Variants in CNTNAP2 observed in about 807,000 individuals in gnomAD.
The protein encoded by CNTNAP2 is contactin associated protein 2, also known as contactin-associated protein-like 2.
In CNTNAP2, 98 loss-of-function variants were observed where a neutral mutation model predicts 155.2. That is an observed-to-expected ratio of 0.63 (90% CI 0.54 to 0.75). The LOEUF is 0.75. Ranked by LOEUF, CNTNAP2 falls within the 30% of genes least tolerant of loss-of-function variation. CNTNAP2 has a pLI of 0.00. For missense variants in CNTNAP2, 1,727 were observed against 1,688.1 expected (o/e 1.02, Z -0.40); for synonymous variants, 651 against 631.2 (o/e 1.03, Z -0.47).
chr7:146,648,672 G>A (rs554567901), intron 1 of CNTNAP2, among the ~76,000 whole-genome samples: 424 of 152,094 alleles, frequency 2.8e-3, no homozygotes, highest in African/African-American at 9.7e-3. Flanking sequence ...TCCCCAATGT[G>A]TAATGCATAT....
chr7:146,992,376 G>C (rs1020377995), intron 3 of CNTNAP2, among the ~76,000 whole-genome samples: 2 of 151,542 alleles, frequency 1.3e-5, no homozygotes, highest in African/African-American at 4.9e-5. Flanking sequence ...CCTTAGTTCA[G>C]CTGGAAACAG....
chr7:147,091,182 C>A (rs1800395482), intron 4 of CNTNAP2, among the ~76,000 whole-genome samples: 1 of 152,008 alleles, frequency 6.6e-6, no homozygotes, highest in African/African-American at 2.4e-5. Flanking sequence ...TTAAACAGAC[C>A]CAGAAAGTGA....
At chr7:147,227,688 T>C (rs1461286438) in intron 8 of CNTNAP2, among the ~76,000 whole-genome samples, 1 of 152,166 alleles carries the variant, frequency 6.6e-6, no homozygotes, top group African/African-American at 2.4e-5. Context: ...AAAGGTTACA[T>C]ACAGCCTGCT....
At chr7:147,726,446 A>G (rs1220589193) in intron 13 of CNTNAP2, among the ~76,000 whole-genome samples, 3 of 151,998 alleles carry the variant, frequency 2.0e-5, no homozygotes, top group Admixed American at 6.6e-5. Flanking sequence ...GTACACCGCA[A>G]AGAGGGTGGA....
intron 16 of CNTNAP2, among the ~76,000 whole-genome samples, chr7:148,122,129 A>G (rs2116614600): frequency 6.6e-6 from 1 of 152,352 alleles, no homozygotes; most frequent in South Asian, 2.1e-4. Context: ...GCATACTAGC[A>G]TTCACATCTC....
At chr7:148,338,434 C>T (rs1391171675) in intron 21 of CNTNAP2, among the ~76,000 whole-genome samples, 2 of 152,142 alleles carry the variant, frequency 1.3e-5, no homozygotes, top group Non-Finnish European at 2.9e-5. Flanking sequence ...AGTCAAGTTA[C>T]AGCTTCCTAA....
intron 8 of CNTNAP2, among the ~76,000 whole-genome samples, chr7:147,169,808 T>C (rs1802190607): frequency 6.6e-6 from 1 of 152,168 alleles, no homozygotes; most frequent in East Asian, 1.9e-4. Flanking sequence ...TTTCTTAAAA[T>C]TTCTATTTTG....
chr7:146,627,827 AG>A (rs1799445133), intron 1 of CNTNAP2, among the ~76,000 whole-genome samples: 1 of 152,146 alleles, frequency 6.6e-6, no homozygotes, highest in African/African-American at 2.4e-5. Flanking sequence ...TCCTCAAGGA[AG>A]CACCAAAATG....
chr7:147,667,363 G>A (rs532655093), intron 13 of CNTNAP2, among the ~76,000 whole-genome samples: 1 of 152,300 alleles, frequency 6.6e-6, no homozygotes, highest in East Asian at 1.9e-4. Context: ...AGTCAATGCT[G>A]GATGTCAGGT....
intron 8 of CNTNAP2, among the ~76,000 whole-genome samples, chr7:147,237,928 G>T (rs1052849810): frequency 6.6e-6 from 1 of 152,196 alleles, no homozygotes; most frequent in African/African-American, 2.4e-5. Context: ...ATAAAGTCTA[G>T]AAATTTAAAT....
chr7:146,581,969 A>G (rs556591317), intron 1 of CNTNAP2, among the ~76,000 whole-genome samples: 1 of 152,284 alleles, frequency 6.6e-6, no homozygotes, highest in Admixed American at 6.5e-5. Context: ...GGTCATATGC[A>G]TAAATAGCTG....
chr7:146,929,016 A>G (rs939062173), intron 3 of CNTNAP2, among the ~76,000 whole-genome samples: 4 of 152,220 alleles, frequency 2.6e-5, no homozygotes, highest in African/African-American at 9.6e-5. Flanking sequence ...CAGGGCACAG[A>G]CAAACTAAAA....
At chr7:146,251,832 ATAT>A (rs1799761449) in intron 1 of CNTNAP2, among the ~76,000 whole-genome samples, 1 of 152,232 alleles carries the variant, frequency 6.6e-6, no homozygotes, top group Non-Finnish European at 1.5e-5. Context: ...ACATATTCTG[ATAT>A]TATTATAGAA....
At chr7:146,687,200 T>C (rs1332627759) in intron 1 of CNTNAP2, among the ~76,000 whole-genome samples, 2 of 152,150 alleles carry the variant, frequency 1.3e-5, no homozygotes, top group African/African-American at 4.8e-5. Flanking sequence ...AAAACTAGTC[T>C]TAATATCTGT....
At chr7:147,396,608 G>A (rs896221053) in intron 10 of CNTNAP2, among the ~76,000 whole-genome samples, 8 of 151,952 alleles carry the variant, frequency 5.3e-5, no homozygotes, top group African/African-American at 1.9e-4. Flanking sequence ...ACTTTTCTGT[G>A]AAATATTATG....
chr7:146,942,564 A>G (rs1797077435), intron 3 of CNTNAP2, among the ~76,000 whole-genome samples: 2 of 152,160 alleles, frequency 1.3e-5, no homozygotes, highest in Admixed American at 1.3e-4. Context: ...ACTTGCATAA[A>G]TTAAAATAAA....
At chr7:146,587,103 C>T (rs1478121188) in intron 1 of CNTNAP2, among the ~76,000 whole-genome samples, 1 of 151,488 alleles carries the variant, frequency 6.6e-6, no homozygotes, top group Non-Finnish European at 1.5e-5. Context: ...ATGATGAGAA[C>T]TATTTCTTCC....
chr7:146,709,532 T>C (rs910027408), intron 1 of CNTNAP2, among the ~76,000 whole-genome samples: 4 of 152,184 alleles, frequency 2.6e-5, no homozygotes, highest in African/African-American at 9.6e-5. Context: ...TGTTGCTCAG[T>C]TGGAAACAAA....
intron 4 of CNTNAP2, among the ~76,000 whole-genome samples, chr7:147,083,950 T>TA (rs1800208347): frequency 4.2e-5 from 4 of 94,786 alleles, no homozygotes; most frequent in Admixed American, 1.2e-4. Flanking sequence ...TTATATAGCA[T>TA]TATATATAGC....
Sources: gnomAD v4.1 joint callset for allele counts (sites outside exome capture counted in the v4.1 genomes callset) on GRCh38, gnomAD v4.1.1 for gene constraint, MANE v1.5 for transcripts, NCBI Gene and HGNC (gene_info 2026-07-23, HGNC 2026-07-21) for gene names.